Variants in GSK3B observed in about 807,000 individuals in gnomAD.
GSK3B encodes the protein glycogen synthase kinase 3 beta, also known as glycogen synthase kinase-3 beta.
A neutral mutation model predicts 56.4 loss-of-function variants in GSK3B; 15 were observed. That is an observed-to-expected ratio of 0.27 (90% CI 0.18 to 0.41). GSK3B has a LOEUF of 0.41. Among genes scored for constraint, GSK3B ranks in the 10% least tolerant of loss-of-function variants. The pLI is 1.00. For synonymous variants in GSK3B, 181 were observed against 188.9 expected (o/e 0.96, Z 0.34); for missense variants, 300 against 513.4 (o/e 0.58, Z 4.02).
intron 8 of GSK3B, among the ~76,000 whole-genome samples, chr3:119,864,198 T>C (rs2056146616): frequency 6.6e-6 from 1 of 152,206 alleles, no homozygotes; most frequent in Non-Finnish European, 1.5e-5. Context: ...GGTGTTACCA[T>C]GAATGTGGCC....
At chr3:119,978,524 G>A (rs1043893888) in intron 2 of GSK3B, among the ~76,000 whole-genome samples, 2 of 152,104 alleles carry the variant, frequency 1.3e-5, no homozygotes, top group African/African-American at 2.4e-5. Context: ...GCCCAAACCC[G>A]GGATGAGTGC....
At chr3:119,911,904 C>T (rs769963921) in intron 6 of GSK3B, among the ~76,000 whole-genome samples, 64 of 152,164 alleles carry the variant, frequency 4.2e-4, no homozygotes, top group Non-Finnish European at 7.3e-4. Flanking sequence ...TCTATCCAAA[C>T]CACTAAAACT....
At chr3:120,032,809 A>G (rs1460917294) in intron 1 of GSK3B, among the ~76,000 whole-genome samples, 2 of 152,220 alleles carry the variant, frequency 1.3e-5, no homozygotes, top group Admixed American at 1.3e-4. Flanking sequence ...ATTTCCCTAG[A>G]ACATAGGGTC....
chr3:119,892,645 C>T (rs2056516149), intron 7 of GSK3B, among the ~76,000 whole-genome samples: 2 of 152,072 alleles, frequency 1.3e-5, no homozygotes, highest in African/African-American at 4.8e-5. Flanking sequence ...AAAAACTGTT[C>T]ACTAAATTAA....
intron 3 of GSK3B, among the ~76,000 whole-genome samples, chr3:119,934,632 C>A (rs1458151712): frequency 6.6e-6 from 1 of 152,132 alleles, no homozygotes; most frequent in Non-Finnish European, 1.5e-5. Flanking sequence ...CCAAGGACAT[C>A]TGAATAAACT....
intron 2 of GSK3B, among the ~76,000 whole-genome samples, chr3:119,969,411 T>A (rs2057346288): frequency 6.6e-6 from 1 of 152,198 alleles, no homozygotes; most frequent in Non-Finnish European, 1.5e-5. Flanking sequence ...AATATTAAGA[T>A]GCCAGTTCTT....
chr3:119,909,343 T>C (rs1271558618), intron 6 of GSK3B, among the ~76,000 whole-genome samples: 1 of 152,164 alleles, frequency 6.6e-6, no homozygotes, highest in Non-Finnish European at 1.5e-5. Flanking sequence ...GGTTTTCTGT[T>C]ACTGTGGGGA....
chr3:120,040,672 C>G (rs913112918), intron 1 of GSK3B, among the ~76,000 whole-genome samples: 4 of 151,942 alleles, frequency 2.6e-5, no homozygotes, highest in African/African-American at 9.7e-5. Flanking sequence ...AGATAGTCCC[C>G]CCAATCTCTT....
At chr3:119,829,599 C>G (rs1362720086) in intron 10 of GSK3B, among the ~76,000 whole-genome samples, 1 of 152,200 alleles carries the variant, frequency 6.6e-6, no homozygotes, top group Admixed American at 6.5e-5. Context: ...TGTTAATTTG[C>G]TCTTTAGCAA....
intron 4 of GSK3B, among the ~76,000 whole-genome samples, chr3:119,920,247 T>G (rs1020087886): frequency 6.6e-6 from 1 of 152,134 alleles, no homozygotes; most frequent in African/African-American, 2.4e-5. Context: ...GAGGAATTAT[T>G]CAATTTTTTT....
intron 2 of GSK3B, among the ~76,000 whole-genome samples, chr3:119,976,425 C>G (rs2057408893): frequency 6.6e-6 from 1 of 152,108 alleles, no homozygotes; most frequent in Admixed American, 6.6e-5. Flanking sequence ...CATGCTACAA[C>G]AGGAATCAAC....
rs1290969873 is a variant in GSK3B, at chr3:119,938,233, C to T, written c.366+9035G>A. ...TAACAATAATCTTTCTAAGACTCTT[C>T]TAAAAAAAATAGAAAAGGAAGGAGC... On this transcript the variant is annotated intron_variant, in intron 3 of 10. Coordinates refer to ENST00000264235, the MANE Select transcript of GSK3B (RefSeq NM_001146156.2). Among the ~76,000 whole-genome samples the T allele has an allele frequency of 5.9e-5, 9 of 152,052 alleles. No individual in the cohort carries two copies. In the East Asian group the frequency reaches 1.7e-3, roughly 29 times the overall value.
At position 119,969,893 on chromosome 3, in the gene GSK3B, C is replaced by T. The variant is rs114290614; in HGVS notation, c.283-22542G>A. On this transcript the variant is annotated intron_variant, in intron 2 of 10. Transcript: ENST00000264235. ...TTTAAATTGCCATCGTTCTGAGTAG[C>T]GTGGTGAAATCTCATGCCATCCCAG... Among the ~76,000 whole-genome samples, 764 of 152,250 alleles carry T rather than the reference C, an allele frequency of 5.0e-3. 7 individuals carry two copies. Among genetic ancestry groups the T allele is most frequent in the African/African-American group, 0.018 (739 of 41,556 alleles).
At chr3:120,015,673 A>C (rs959612717) in intron 1 of GSK3B, among the ~76,000 whole-genome samples, 77 of 150,260 alleles carry the variant, frequency 5.1e-4, no homozygotes, top group South Asian at 4.0e-3. Flanking sequence ...AAAAAAAAAA[A>C]AAAAAACTAG....
Position 119,862,087 on chromosome 3 carries a change from T to G in GSK3B, c.1096+1332A>C, listed in dbSNP as rs1017889684. ...ATTTTAAAATACCAAAATAAAAGTC[T>G]TCTTTTTTTTTTTTTAAAAGAAACT... On this transcript the variant is annotated intron_variant, in intron 9 of 10. Coordinates refer to ENST00000264235, the MANE Select transcript of GSK3B (RefSeq NM_001146156.2). 2.8e-5 allele frequency among the ~76,000 whole-genome samples: 4 copies of G among 144,114 alleles called. No homozygotes were observed. In the South Asian group the frequency reaches 6.3e-4, roughly 23 times the overall value. 94.5% of individuals were successfully genotyped at this position (144,114 alleles called of 152,430 possible).
At position 120,004,512 on chromosome 3, in the gene GSK3B, G is replaced by A. The variant is rs184098709; in HGVS notation, c.89-2273C>T. ...TAGCCTGACTGGGAGATATCTCCCAGTAATGGCCAACAGACACCTCATACA... is the reference window on the plus strand; with the variant it reads ...TAGCCTGACTGGGAGATATCTCCCAATAATGGCCAACAGACACCTCATACA... On this transcript the variant is annotated intron_variant, in intron 1 of 10. Coordinates refer to ENST00000264235, the MANE Select transcript of GSK3B (RefSeq NM_001146156.2). 2.0e-4 allele frequency among the ~76,000 whole-genome samples: 30 copies of A among 152,292 alleles called. No homozygotes were observed. In the East Asian group the frequency reaches 5.2e-3, roughly 27 times the overall value.
At chr3:119,885,159 A>G (rs999533649) in intron 7 of GSK3B, among the ~76,000 whole-genome samples, 2 of 152,060 alleles carry the variant, frequency 1.3e-5, no homozygotes, top group African/African-American at 4.8e-5. Context: ...AGGATAAAAA[A>G]TCAACAAATG....
intron 10 of GSK3B, among the ~76,000 whole-genome samples, chr3:119,840,312 C>T (rs775210233): frequency 1.4e-4 from 21 of 151,888 alleles, no homozygotes; most frequent in Non-Finnish European, 3.1e-4. Context: ...GCAACCTCCG[C>T]CTCCCAGGTT....
intron 7 of GSK3B, among the ~76,000 whole-genome samples, chr3:119,904,989 CCTTT>C (rs2056668208): frequency 2.0e-5 from 3 of 148,568 alleles, no homozygotes; most frequent in Admixed American, 6.7e-5. Context: ...AAAGGGACTT[CCTTT>C]AAGATCTCAA....
Sources: allele counts gnomAD v4.1 joint callset (sites outside exome capture counted in the v4.1 genomes callset), GRCh38; gene constraint gnomAD v4.1.1; transcripts MANE v1.5; gene names NCBI Gene and HGNC (gene_info 2026-07-23, HGNC 2026-07-21).